UQCRFS1: variants seen among roughly 807,000 people sequenced by gnomAD.
The protein encoded by UQCRFS1 is ubiquinol-cytochrome c reductase, Rieske iron-sulfur polypeptide 1.
A neutral mutation model predicts 15.6 loss-of-function variants in UQCRFS1; 6 were observed. That is an observed-to-expected ratio of 0.38 (90% confidence interval 0.21 to 0.76). The LOEUF is 0.76. Ranked by LOEUF, UQCRFS1 falls within the 30% of genes least tolerant of loss-of-function variation. The pLI is 0.44. For missense variants in UQCRFS1, 203 were observed against 366.7 expected, an observed-to-expected ratio of 0.55 and a Z score of 3.65; for synonymous variants, 105 against 154.3, an observed-to-expected ratio of 0.68 and a Z score of 2.37.
At position 29,206,519 on chromosome 19, in the gene UQCRFS1, C is replaced by A. The variant is rs922247907; in HGVS notation, c.*1029G>T. ...GATTCTCAAAGGACAAAGCCCACTC[C>A]CAACTCCCAGGGGAAAATGGACCTT... On this transcript the variant is annotated 3_prime_UTR_variant, in exon 2 of 2. Transcript: ENST00000304863. 6.6e-6 allele frequency: 1 copy of A among 152,198 alleles called. No individual in the cohort carries two copies. The highest frequency in any genetic ancestry group is 2.4e-5 in the African/African-American group (1 of 41,434). The allele number at this position is 152,198 out of a possible 1,614,324, so 9.4% of individuals were successfully genotyped here. A position where few individuals can be genotyped will look rare whatever the true frequency, so the allele number is the denominator to read the frequency against.
Position 29,207,975 on chromosome 19 carries a change from A to C in UQCRFS1, c.398T>G (p.Val133Gly), listed in dbSNP as rs1976609384. 6.2e-7 allele frequency: 1 copy of C among 1,614,026 alleles called. No homozygotes were observed. Among genetic ancestry groups the C allele is most frequent in the Non-Finnish European group, 8.5e-7 (1 of 1,179,878 alleles). Residue 133 changes from valine (V) to glycine (G), a missense_variant, in exon 2 of 2, where the codon GTC becomes GGC. Around this residue, in one of 3 missense-constraint regions of UQCRFS1, gnomAD observed 91 missense variants for 186.9 expected, o/e 0.49. Transcript: ENST00000304863. Reference protein sequence around the residue: ...VGVAYAAKNAVTQFVSSMSAS... With the variant: ...VGVAYAAKNAGTQFVSSMSAS... Reference sequence around the variant, plus strand: ...ACTCATGCTGGAAACGAACTGGGTGACGGCATTCTTGGCAGCATATGCGAC... The same window carrying C: ...ACTCATGCTGGAAACGAACTGGGTGCCGGCATTCTTGGCAGCATATGCGAC...
chr19:29,212,380 T>C (rs954094644), intron 1 of UQCRFS1, among the ~76,000 whole-genome samples: 1 of 103,290 alleles, frequency 9.7e-6, no homozygotes, highest in African/African-American at 2.8e-5. Context: ...TGTATGTTTT[T>C]TTTGTTTTTT....
chr19:29,208,213 G>A (rs1976612371), intron 1 of UQCRFS1, 55 bp from the exon 2 acceptor site: 1 of 1,525,472 alleles, frequency 6.6e-7, no homozygotes, highest in Non-Finnish European at 8.7e-7. Flanking sequence ...CCCGAAGGGA[G>A]TATATATCAG....
At chr19:29,208,188 C>T (rs756157937) in intron 1 of UQCRFS1, 30 bp from the exon 2 acceptor site, 70 of 1,577,442 alleles carry the variant, frequency 4.4e-5, no homozygotes, top group African/African-American at 6.8e-5. Context: ...TTAAAAAACA[C>T]AATTAGATGA....
At chr19:29,209,411 G>C (rs1976622842) in intron 1 of UQCRFS1, among the ~76,000 whole-genome samples, 1 of 151,976 alleles carries the variant, frequency 6.6e-6, no homozygotes, top group African/African-American at 2.4e-5. Context: ...GTACTTCCTT[G>C]AGTAGTCAAA....
At chr19:29,208,284 A>G (rs1388972189) in intron 1 of UQCRFS1, 126 bp from the exon 2 acceptor site, 1 of 1,286,264 alleles carries the variant, frequency 7.8e-7, no homozygotes, top group Non-Finnish European at 1.0e-6. Context: ...GAAATATGGC[A>G]CTCACTGGGT....
chr19:29,207,322 T>C lies in UQCRFS1; in HGVS notation c.*226A>G. ...AGAATTAGCTAAAAGACATTGTACC[T>C]TTCGCGTGTATGACTGAGCATAACA... is the stretch of plus-strand genomic sequence containing the variant. On this transcript the variant is annotated 3_prime_UTR_variant, in exon 2 of 2. Transcript: ENST00000304863. The C allele has an allele frequency of 1.9e-6, 1 of 513,020 alleles. No individual in the cohort carries two copies. The highest frequency in any genetic ancestry group is 3.3e-6 in the Non-Finnish European group (1 of 302,556). 31.8% of individuals were successfully genotyped at this position (513,020 alleles called of 1,614,324 possible). A position where few individuals can be genotyped will look rare whatever the true frequency, so the allele number is the denominator to read the frequency against.
intron 1 of UQCRFS1, among the ~76,000 whole-genome samples, chr19:29,209,384 T>C (rs994320280): frequency 1.3e-5 from 2 of 152,210 alleles, no homozygotes; most frequent in East Asian, 3.8e-4. Context: ...TCTACTAGGA[T>C]ATCATCCTAA....
rs1268118045 is a variant in UQCRFS1 at position 29,205,351 on chromosome 19, G to T, written c.*2197C>A. The T allele has an allele frequency of 6.6e-6, 1 of 152,214 alleles. No individual in the cohort carries two copies. The highest frequency in any genetic ancestry group is 1.9e-4 in the East Asian group (1 of 5,202). 9.4% of individuals were successfully genotyped at this position (152,214 alleles called of 1,614,324 possible). A position where few individuals can be genotyped will look rare whatever the true frequency, so the allele number is the denominator to read the frequency against. ...AAATGAAATTTAGTACTGTGAGAAT[G>T]AAGAATTACTTCTGATATTTAAATA... On this transcript the variant is annotated 3_prime_UTR_variant, in exon 2 of 2. Coordinates refer to ENST00000304863, the MANE Select transcript of UQCRFS1 (RefSeq NM_006003.3).
At chr19:29,212,075 G>GC (rs1365966805) in intron 1 of UQCRFS1, among the ~76,000 whole-genome samples, 3 of 152,172 alleles carry the variant, frequency 2.0e-5, no homozygotes, top group Non-Finnish European at 2.9e-5. Flanking sequence ...CAGACACACT[G>GC]CCCACAGGCT....
At chr19:29,210,629 G>A (rs987002568) in intron 1 of UQCRFS1, among the ~76,000 whole-genome samples, 57 of 151,284 alleles carry the variant, frequency 3.8e-4, no homozygotes, top group Non-Finnish European at 5.7e-4. Flanking sequence ...TTGTCCTTGC[G>A]ACAGTTTACT....
chr19:29,212,379 T>A (rs79442572), intron 1 of UQCRFS1, among the ~76,000 whole-genome samples: 1,293 of 103,272 alleles, frequency 0.013, 22 homozygotes, highest in African/African-American at 0.035. Flanking sequence ...GTGTATGTTT[T>A]TTTTGTTTTT....
rs1286520939 is a variant in UQCRFS1 at position 29,213,142 on chromosome 19, A to G, written c.-24T>C. 1.3e-6 allele frequency: 2 copies of G among 1,519,568 alleles called. No homozygotes were observed. Among genetic ancestry groups the G allele is most frequent in the East Asian group, 5.2e-5 (2 of 38,548 alleles). The allele number at this position is 1,519,568 out of a possible 1,614,324, so 94.1% of individuals were successfully genotyped here. ...ATGGCGACAGCCGCTCCAACCGCCAAGCCGGTCACAGGGACGACCTTCCAA... is the reference window on the plus strand; with the variant it reads ...ATGGCGACAGCCGCTCCAACCGCCAGGCCGGTCACAGGGACGACCTTCCAA... On this transcript the variant is annotated 5_prime_UTR_variant, in exon 1 of 2. Transcript: ENST00000304863.
At position 29,213,080 on chromosome 19, in the gene UQCRFS1, G is replaced by C; in HGVS notation, c.39C>G (p.Pro13=). The change falls in exon 1 of 2, where the codon CCC becomes CCG. Residue 13 remains proline (P), a synonymous_variant. Transcript: ENST00000304863. ...CCCCGCGGGACGTGGCCGACAGGAC[G>C]GGCGCGAACGGGCCTGAGCGGGATG... ...SVASRSGPFA[P]VLSATSRGVA... 3 of 1,491,056 alleles carry C rather than the reference G, an allele frequency of 2.0e-6. No homozygotes were observed. Among genetic ancestry groups the C allele is most frequent in the Non-Finnish European group, 2.7e-6 (3 of 1,129,528 alleles). The allele number at this position is 1,491,056 out of a possible 1,614,324, so 92.4% of individuals were successfully genotyped here.
In UQCRFS1 at chr19:29,207,791, C is replaced by A; in HGVS notation, c.582G>T (p.Gln194His). ...IEQEAAVELS[Q>H]LRDPQHDLDR... ...CTAGATCATGCTGTGGGTCCCTCAA[C>A]TGTGATAATTCAACTGCAGCTTCCT... The change falls in exon 2 of 2, where the codon CAG becomes CAT. Residue 194 changes from glutamine (Q) to histidine (H), a missense_variant. Physicochemically the swap from Gln to His is conservative, Grantham distance 24 (BLOSUM62 0). Transcript: ENST00000304863. 1 of 1,614,014 alleles carries A rather than the reference C, an allele frequency of 6.2e-7. No homozygotes were observed. Among genetic ancestry groups the A allele is most frequent in the Non-Finnish European group, 8.5e-7 (1 of 1,179,880 alleles).
At chr19:29,212,121 G>C (rs1976659406) in intron 1 of UQCRFS1, among the ~76,000 whole-genome samples, 1 of 152,200 alleles carries the variant, frequency 6.6e-6, no homozygotes, top group African/African-American at 2.4e-5. Flanking sequence ...GCCAAGTAAA[G>C]ATGGAAGGCG....
rs776685840 is a variant in UQCRFS1, at chr19:29,207,929, G to A, written c.444C>T (p.Ala148=). ...ATAACTTGATTTCGATTTTCGCCAG[G>A]GCCAACACATCAGCAGAAGCACTCA... ...SSMSASADVL[A]LAKIEIKLSD... Residue 148 remains alanine, a synonymous_variant, in exon 2 of 2, where the codon GCC becomes GCT. Coordinates refer to ENST00000304863, the MANE Select transcript of UQCRFS1 (RefSeq NM_006003.3). The A allele has an allele frequency of 2.5e-6, 4 of 1,613,926 alleles. No homozygotes were observed. The highest frequency in any genetic ancestry group is 2.2e-5 in the South Asian group (2 of 91,076).
intron 1 of UQCRFS1, among the ~76,000 whole-genome samples, chr19:29,210,377 ATACTT>A (rs1260706125): frequency 6.7e-6 from 1 of 150,284 alleles, no homozygotes; most frequent in Admixed American, 6.6e-5. Context: ...TTTTTTTATT[ATACTT>A]TAAGTTTTAG....
rs151022246 is a variant in UQCRFS1, at chr19:29,207,854, G to C, written c.519C>G (p.Pro173=). 342 of 1,613,972 alleles carry C rather than the reference G, an allele frequency of 2.1e-4. 1 individual carries two copies. The Middle Eastern group carries it at 3.3e-3, about 16-fold the overall frequency. ...TCTGGGTTCTATGACGCACAAACAG[G>C]GGTTTGCCTCTCCATTTGAAAGCCA... The part of the protein sequence containing the change: ...KNMAFKWRGK[P]LFVRHRTQKE... The change falls in exon 2 of 2, where the codon CCC becomes CCG. Residue 173 remains proline, a synonymous_variant. Coordinates refer to ENST00000304863, the MANE Select transcript of UQCRFS1 (RefSeq NM_006003.3).
Sources: gnomAD v4.1 joint callset for allele counts (sites outside exome capture counted in the v4.1 genomes callset) on GRCh38, gnomAD v4.1.1 for gene constraint, gnomAD v4.1.1 regional missense constraint, MANE v1.5 for transcripts, NCBI Gene and HGNC (gene_info 2026-07-23, HGNC 2026-07-21) for gene names.